Variants in ACACA observed in about 807,000 individuals in gnomAD.
ACACA encodes acetyl-CoA carboxylase alpha.
ACACA carries 103 observed loss-of-function variants against 296.1 expected under a neutral mutation model. The ratio of observed to expected loss-of-function variants is 0.35; its 90% CI spans 0.30 to 0.41. The LOEUF (loss-of-function observed/expected upper bound fraction) is 0.41. Among genes scored for constraint, ACACA ranks in the 10% least tolerant of loss-of-function variants. The pLI, the probability that ACACA is intolerant of heterozygous loss-of-function variation, is 1.00. For synonymous variants in ACACA, 953 were observed against 1,038.6 expected, an observed-to-expected ratio of 0.92 and a Z score of 1.58; for missense variants, 1,554 against 2,989.7, an observed-to-expected ratio of 0.52 and a Z score of 11.20.
At position 37,177,269 on chromosome 17, in the gene ACACA, C is replaced by CGTGTGTGTGTGT. The variant is rs112439511; in HGVS notation, c.5079+1979_5079+1990dup. Among the ~76,000 whole-genome samples, 102 of 146,530 alleles carry CGTGTGTGTGTGT rather than the reference C, an allele frequency of 7.0e-4. 1 individual carries two copies. The highest frequency in any genetic ancestry group is 2.5e-3 in the African/African-American group (99 of 39,934). On this transcript the variant is annotated intron_variant, in intron 41 of 55. Coordinates refer to ENST00000616317, the MANE Select transcript of ACACA (RefSeq NM_198834.3). ...AAAAACCTTTAATTTTTAAAAAATT[C>CGTGTGTGTGTGT]GTGTGTGTGTGTGTGTGTGTGTGTG...
At position 37,087,028 on chromosome 17, in the gene ACACA, C is replaced by T. The variant is rs1264962193; in HGVS notation, c.*288G>A. 2.0e-6 allele frequency: 1 copy of T among 505,292 alleles called. No homozygotes were observed. The highest frequency in any genetic ancestry group is 3.2e-5 in the Admixed American group (1 of 30,920). 31.3% of individuals were successfully genotyped at this position (505,292 alleles called of 1,614,324 possible). ...CTTTGGTTAGTAAGACCTCATGGTA[C>T]ATGTTTGTACCTTTCATTGCCTTCT... On this transcript the variant is annotated 3_prime_UTR_variant, in exon 56 of 56. Transcript: ENST00000616317.
intron 1 of ACACA, among the ~76,000 whole-genome samples, chr17:37,352,588 G>A (rs2048956611): frequency 6.6e-6 from 1 of 152,054 alleles, no homozygotes; most frequent in African/African-American, 2.4e-5. Context: ...GTATGGTGGT[G>A]TGTGTCTGTA....
At chr17:37,185,415 T>C (rs1475423560) in intron 39 of ACACA, among the ~76,000 whole-genome samples, 1 of 139,900 alleles carries the variant, frequency 7.1e-6, no homozygotes, top group East Asian at 2.0e-4. Context: ...TTTTTTTTTT[T>C]TTTTTTTTTT....
intron 3 of ACACA, among the ~76,000 whole-genome samples, chr17:37,308,692 C>T (rs1051241900): frequency 3.3e-5 from 5 of 152,012 alleles, no homozygotes; most frequent in African/African-American, 1.2e-4. Flanking sequence ...AATCCCAGCA[C>T]GTTGGAAGGC....
chr17:37,386,951 G>A (rs966126118), intron 1 of ACACA: 3 of 152,204 alleles, frequency 2.0e-5, no homozygotes, highest in Non-Finnish European at 4.4e-5. Context: ...CTGAGTAGCT[G>A]GGACTACAGG....
intron 10 of ACACA, among the ~76,000 whole-genome samples, chr17:37,266,903 T>A (rs1567910309): frequency 6.6e-6 from 1 of 152,196 alleles, no homozygotes; most frequent in African/African-American, 2.4e-5. Flanking sequence ...GGATCTTTTT[T>A]CCAGACTCCA....
rs1347979840 is a variant in ACACA at position 37,243,439 on chromosome 17, T to C, written c.2863A>G (p.Ile955Val). ...GRIPPNVEKS[I>V]KKEMAQYASN... ...GCATACTGAGCCATTTCCTTCTTGA[T>C]AGACTTCTCCACATTGGGGGGAATG... The change falls in exon 22 of 56, where the codon ATC becomes GTC. Residue 955 changes from isoleucine (I) to valine (V), a missense_variant. Transcript: ENST00000616317. The C allele has an allele frequency of 6.2e-7, 1 of 1,614,182 alleles. No homozygotes were observed. The highest frequency in any genetic ancestry group is 1.7e-5 in the Admixed American group (1 of 60,014).
chr17:37,269,421 A>T (rs2081968098), intron 10 of ACACA, among the ~76,000 whole-genome samples: 1 of 152,232 alleles, frequency 6.6e-6, no homozygotes, highest in African/African-American at 2.4e-5. Flanking sequence ...ACCATAGATT[A>T]GTCTAGCCTA....
intron 41 of ACACA, among the ~76,000 whole-genome samples, chr17:37,177,391 T>C (rs1422563842): frequency 6.6e-6 from 1 of 152,036 alleles, no homozygotes; most frequent in Non-Finnish European, 1.5e-5. Context: ...GGCAGCTCTG[T>C]GCTTGTAATT....
chr17:37,160,742 A>T (rs776953749), intron 42 of ACACA, among the ~76,000 whole-genome samples: 1 of 152,176 alleles, frequency 6.6e-6, no homozygotes, highest in Non-Finnish European at 1.5e-5. Context: ...AAAGATGGTG[A>T]TTATAATGAT....
chr17:37,279,607 C>T (rs1339847320), intron 5 of ACACA, among the ~76,000 whole-genome samples: 2 of 150,996 alleles, frequency 1.3e-5, no homozygotes, highest in Non-Finnish European at 2.9e-5. Flanking sequence ...GAGATCACGC[C>T]ACTGCACCAA....
chr17:37,139,428 G>C (rs564882583), intron 45 of ACACA, among the ~76,000 whole-genome samples: 3 of 152,212 alleles, frequency 2.0e-5, no homozygotes, highest in African/African-American at 7.2e-5. Flanking sequence ...CCACATGGAT[G>C]AAGTGAGCCA....
intron 44 of ACACA, among the ~76,000 whole-genome samples, chr17:37,150,941 A>T (rs776646902): frequency 2.0e-5 from 3 of 151,830 alleles, no homozygotes; most frequent in Admixed American, 6.6e-5. Context: ...AGTCCCAGCT[A>T]CTCAGGAGGC....
intron 1 of ACACA, among the ~76,000 whole-genome samples, chr17:37,372,440 A>AG (rs2049844421): frequency 6.6e-6 from 1 of 151,620 alleles, no homozygotes; most frequent in South Asian, 2.1e-4. Context: ...AGAGTAGCAT[A>AG]GTGTGCAGGT....
chr17:37,105,790 G>T (rs570364736), intron 52 of ACACA, among the ~76,000 whole-genome samples: 3 of 151,618 alleles, frequency 2.0e-5, no homozygotes, highest in African/African-American at 7.3e-5. Flanking sequence ...CTTGAACCCG[G>T]GAGGCAGAGG....
chr17:37,260,538 A>C (rs1468492270), intron 11 of ACACA, among the ~76,000 whole-genome samples: 1 of 151,498 alleles, frequency 6.6e-6, no homozygotes, highest in Non-Finnish European at 1.5e-5. Context: ...TCTTGATCTC[A>C]GGTGATCCGC....
At chr17:37,273,798 C>A (rs1453412483) in intron 9 of ACACA, among the ~76,000 whole-genome samples, 1 of 152,158 alleles carries the variant, frequency 6.6e-6, no homozygotes, top group East Asian at 1.9e-4. Context: ...TGCTTCCTGG[C>A]TTCTTGGTTC....
intron 1 of ACACA, among the ~76,000 whole-genome samples, chr17:37,393,743 G>A (rs1396137253): frequency 1.3e-5 from 2 of 151,724 alleles, no homozygotes; most frequent in African/African-American, 2.4e-5. Flanking sequence ...TCCAGAGGCT[G>A]AGGCACAAGA....
In ACACA at chr17:37,293,822, G is replaced by A. The variant is rs138712414; in HGVS notation, c.339-8852C>T. Among the ~76,000 whole-genome samples the A allele has an allele frequency of 7.0e-3, 1,059 of 152,210 alleles. 7 individuals carry two copies. Among genetic ancestry groups the A allele is most frequent in the Middle Eastern group, 0.051 (15 of 294 alleles). ...TCCAAAGTGCTGGGATTATAGGCATGAGCCACCACGCCTGGCCAAGATTTT... is the reference window on the plus strand; with the variant it reads ...TCCAAAGTGCTGGGATTATAGGCATAAGCCACCACGCCTGGCCAAGATTTT... On this transcript the variant is annotated intron_variant, in intron 3 of 55. Transcript: ENST00000616317.
Sources: allele counts gnomAD v4.1 joint callset (sites outside exome capture counted in the v4.1 genomes callset), GRCh38; gene constraint gnomAD v4.1.1; transcripts MANE v1.5; gene names NCBI Gene and HGNC (gene_info 2026-07-23, HGNC 2026-07-21).